The following RSRC1 variants were observed in gnomAD, a reference collection of about 807,000 sequenced individuals.
The protein encoded by RSRC1 is serine/Arginine-related protein 53.
RSRC1 carries 39 observed loss-of-function variants against 49.1 expected under a neutral mutation model. The ratio of observed to expected loss-of-function variants is 0.79; its 90% CI spans 0.61 to 1.04. The LOEUF is 1.04. RSRC1 is among the 50% of genes least tolerant of loss of function. The pLI is 0.00. For missense variants in RSRC1, 388 were observed against 402.4 expected (o/e 0.96, Z 0.31); for synonymous variants, 143 against 130.8 (o/e 1.09, Z -0.63).
Position 158,432,098 on chromosome 3 carries a change from A to G in RSRC1, c.584-28837A>G, listed in dbSNP as rs142681698. Among the ~76,000 whole-genome samples the G allele has an allele frequency of 1.1e-3, 160 of 152,090 alleles. 2 individuals carry two copies. The highest frequency in any genetic ancestry group is 3.7e-3 in the African/African-American group (155 of 41,546). On this transcript the variant is annotated intron_variant, in intron 6 of 9. Coordinates refer to ENST00000611884, the MANE Select transcript of RSRC1 (RefSeq NM_001271838.2). ...CAGCACGCTGCTTTGTGATCATTCC[A>G]AAGTTCTAATAATCTCCCTCACCTT...
intron 6 of RSRC1, among the ~76,000 whole-genome samples, chr3:158,414,733 A>C (rs182779310): frequency 1.3e-5 from 2 of 152,000 alleles, no homozygotes; most frequent in Non-Finnish European, 2.9e-5. Context: ...TAGAAAAAAA[A>C]ATAAGTTTGG....
intron 4 of RSRC1, among the ~76,000 whole-genome samples, chr3:158,208,787 T>C (rs182665455): frequency 1.3e-5 from 2 of 152,304 alleles, no homozygotes; most frequent in East Asian, 1.9e-4. Context: ...TAAACTGTTA[T>C]TGAGAGTCAA....
At chr3:158,484,232 A>C (rs987525701) in intron 7 of RSRC1, among the ~76,000 whole-genome samples, 1 of 152,104 alleles carries the variant, frequency 6.6e-6, no homozygotes, top group African/African-American at 2.4e-5. Context: ...GAGAGAAATC[A>C]GGGCTACAAA....
chr3:158,136,821 A>T (rs1008605877), intron 3 of RSRC1: 3 of 152,190 alleles, frequency 2.0e-5, no homozygotes, highest in African/African-American at 4.8e-5. Context: ...ACTGGGCAAC[A>T]TTGTTCTTGG....
At chr3:158,319,877 C>T (rs1050325498) in intron 5 of RSRC1, among the ~76,000 whole-genome samples, 2 of 152,130 alleles carry the variant, frequency 1.3e-5, no homozygotes, top group Admixed American at 1.3e-4. Context: ...ATCAGACAAC[C>T]TTATCTGAAT....
At chr3:158,347,577 T>C (rs560689754) in intron 5 of RSRC1, among the ~76,000 whole-genome samples, 51 of 152,206 alleles carry the variant, frequency 3.4e-4, no homozygotes, top group Admixed American at 3.9e-4. Flanking sequence ...AGATGGAGTC[T>C]TACTCTGTCT....
At chr3:158,213,585 G>T (rs1229839143) in intron 4 of RSRC1, among the ~76,000 whole-genome samples, 1 of 151,894 alleles carries the variant, frequency 6.6e-6, no homozygotes, top group African/African-American at 2.4e-5. Context: ...ACAACAATGA[G>T]TACTGCTGTT....
chr3:158,437,324 A>G (rs1340567167), intron 6 of RSRC1, among the ~76,000 whole-genome samples: 1 of 152,136 alleles, frequency 6.6e-6, no homozygotes, highest in Non-Finnish European at 1.5e-5. Flanking sequence ...TGGTTTAATA[A>G]TGGTTAATTT....
chr3:158,414,323 TCTCA>T (rs767647138), intron 6 of RSRC1, among the ~76,000 whole-genome samples: 1 of 152,108 alleles, frequency 6.6e-6, no homozygotes, highest in Non-Finnish European at 1.5e-5. Flanking sequence ...CACCACATGT[TCTCA>T]CTAATAAGTG....
At chr3:158,281,630 G>A (rs541613517) in intron 4 of RSRC1, among the ~76,000 whole-genome samples, 1 of 152,180 alleles carries the variant, frequency 6.6e-6, no homozygotes, top group South Asian at 2.1e-4. Flanking sequence ...TAGAAGACAA[G>A]TGAGGAAAGG....
At chr3:158,460,836 G>A (rs547637918) in intron 6 of RSRC1, 99 bp from the exon 7 acceptor site, 3 of 605,050 alleles carry the variant, frequency 5.0e-6, no homozygotes, top group South Asian at 3.7e-5. Flanking sequence ...TGATTACTTC[G>A]TGGAAAATAA....
At chr3:158,323,656 C>G (rs1728890967) in intron 5 of RSRC1, among the ~76,000 whole-genome samples, 1 of 152,116 alleles carries the variant, frequency 6.6e-6, no homozygotes, top group Non-Finnish European at 1.5e-5. Flanking sequence ...GTAACATCCC[C>G]AAGCAAGAAG....
intron 3 of RSRC1, 141 bp from the exon 4 acceptor site, chr3:158,202,931 A>C: frequency 3.7e-6 from 2 of 543,106 alleles, no homozygotes; most frequent in Non-Finnish European, 6.6e-6. Context: ...AATCATATTC[A>C]GGTGCTTGCT....
intron 6 of RSRC1, among the ~76,000 whole-genome samples, chr3:158,430,449 T>A (rs1394032041): frequency 6.6e-6 from 1 of 151,820 alleles, no homozygotes; most frequent in African/African-American, 2.4e-5. Context: ...TATTACATAA[T>A]GTACCTAATA....
chr3:158,218,744 A>G (rs1722083552), intron 4 of RSRC1, among the ~76,000 whole-genome samples: 1 of 151,636 alleles, frequency 6.6e-6, no homozygotes. Context: ...AGGCTGCAGT[A>G]ACCCAAGCAA....
chr3:158,514,826 G>T (rs567320603), intron 7 of RSRC1, among the ~76,000 whole-genome samples: 1 of 152,186 alleles, frequency 6.6e-6, no homozygotes, highest in African/African-American at 2.4e-5. Context: ...ATATAATTAA[G>T]ATAGTTATCT....
intron 3 of RSRC1, among the ~76,000 whole-genome samples, chr3:158,133,914 T>A (rs1716194290): frequency 6.6e-6 from 1 of 152,098 alleles, no homozygotes; most frequent in Admixed American, 6.6e-5. Context: ...GTTAAAATGG[T>A]TTGGGTCGAG....
At chr3:158,526,464 A>G (rs1312046131) in intron 7 of RSRC1, among the ~76,000 whole-genome samples, 2 of 151,982 alleles carry the variant, frequency 1.3e-5, no homozygotes, top group African/African-American at 4.8e-5. Context: ...GGCACTTGCA[A>G]ACACAACAAA....
At chr3:158,321,069 G>A (rs977777937) in intron 5 of RSRC1, among the ~76,000 whole-genome samples, 1 of 151,884 alleles carries the variant, frequency 6.6e-6, no homozygotes, top group African/African-American at 2.4e-5. Context: ...TATACTTCCT[G>A]ACTCCCATGC....
Sources: allele counts gnomAD v4.1 joint callset (sites outside exome capture counted in the v4.1 genomes callset), GRCh38; gene constraint gnomAD v4.1.1; transcripts MANE v1.5; gene names NCBI Gene and HGNC (gene_info 2026-07-23, HGNC 2026-07-21).